Variants in ACOX2 observed in about 807,000 individuals in gnomAD.
ACOX2 encodes peroxisomal acyl-coenzyme A oxidase 2.
Under a neutral mutation model 77.5 loss-of-function variants are expected in ACOX2, and 59 were observed. That is an observed-to-expected ratio of 0.76 (90% CI 0.62 to 0.95). The LOEUF is 0.95. Among genes scored for constraint, ACOX2 ranks in the 40% least tolerant of loss-of-function variants. The pLI is 0.00. For synonymous variants in ACOX2, 317 were observed against 340.1 expected, an observed-to-expected ratio of 0.93 and a Z score of 0.75; for missense variants, 837 against 880.4, an observed-to-expected ratio of 0.95 and a Z score of 0.62.
In ACOX2 at chr3:58,534,245, C is replaced by T; in HGVS notation, c.324-100G>A. 1.3e-6 allele frequency: 2 copies of T among 1,575,822 alleles called. No homozygotes were observed. The highest frequency in any genetic ancestry group is 2.1e-4 in the Middle Eastern group (1 of 4,874). On this transcript the variant is annotated intron_variant, in intron 3 of 14. Transcript: ENST00000302819. The surrounding 1 kb of genome is among the most constrained non-coding windows in gnomAD (Gnocchi z 4.8). Reference sequence around the variant, plus strand: ...ACAGGAGATAAAGGGCACCTAGCATCCTGGTTTCCCAACAAGTCTTCCCTT... The same window carrying T: ...ACAGGAGATAAAGGGCACCTAGCATTCTGGTTTCCCAACAAGTCTTCCCTT...
At chr3:58,513,122 C>A (rs1203031717) in intron 13 of ACOX2, among the ~76,000 whole-genome samples, 1 of 152,152 alleles carries the variant, frequency 6.6e-6, no homozygotes, top group East Asian at 1.9e-4. Flanking sequence ...AGCTCCCCCT[C>A]CTCCCTACTG....
Position 58,534,589 on chromosome 3 carries a change from C to A in ACOX2, c.161-67G>T. The stretch of plus-strand genomic sequence containing the variant: ...GGTTTCTGGCACCTTGAAATCTTCT[C>A]ACCCACTTGCTTCATGGATCTGGAA... On this transcript the variant is annotated intron_variant, in intron 2 of 14. Coordinates refer to ENST00000302819, the MANE Select transcript of ACOX2 (RefSeq NM_003500.4). The surrounding 1 kb of genome is among the most constrained non-coding windows in gnomAD (Gnocchi z 4.8). 1 of 1,612,314 alleles carries A rather than the reference C, an allele frequency of 6.2e-7. No individual in the cohort carries two copies. Among genetic ancestry groups the A allele is most frequent in the Non-Finnish European group, 8.5e-7 (1 of 1,179,640 alleles).
rs2063371827 is a variant in ACOX2, at chr3:58,523,174, C to T, written c.1527-573G>A. 6.6e-6 allele frequency among the ~76,000 whole-genome samples: 1 copy of T among 152,234 alleles called. No homozygotes were observed. Among genetic ancestry groups the T allele is most frequent in the African/African-American group, 2.4e-5 (1 of 41,460 alleles). On this transcript the variant is annotated intron_variant, in intron 11 of 14. Transcript: ENST00000302819. The surrounding 1 kb of genome is among the most constrained non-coding windows in gnomAD (Gnocchi z 5.3). ...CTCTTATTTTCTATTCCCTGCCCAT[C>T]CATCCATGACCCTTAGAATTTGTGT... is the stretch of plus-strand genomic sequence containing the variant.
chr3:58,516,084 G>A (rs2063320344), intron 13 of ACOX2, among the ~76,000 whole-genome samples: 1 of 151,992 alleles, frequency 6.6e-6, no homozygotes, highest in South Asian at 2.1e-4. Context: ...TAGAATAATA[G>A]TGTGAAAGCA....
At position 58,522,787 on chromosome 3, in the gene ACOX2, A is replaced by G. The variant is rs1017472759; in HGVS notation, c.1527-186T>C. 1.3e-5 allele frequency among the ~76,000 whole-genome samples: 2 copies of G among 152,228 alleles called. No individual in the cohort carries two copies. The highest frequency in any genetic ancestry group is 1.3e-4 in the Admixed American group (2 of 15,278). ...AAGGGCAGGCACCCCCCAGTTTGCAATGGGGAAAACTGAGTCCCAGAGAGG... is the reference window on the plus strand; with the variant it reads ...AAGGGCAGGCACCCCCCAGTTTGCAGTGGGGAAAACTGAGTCCCAGAGAGG... On this transcript the variant is annotated intron_variant, in intron 11 of 14. Transcript: ENST00000302819. The surrounding 1 kb of genome is among the most constrained non-coding windows in gnomAD (Gnocchi z 4.3).
chr3:58,508,455 C>T (rs1230249492), intron 14 of ACOX2, among the ~76,000 whole-genome samples: 1 of 152,204 alleles, frequency 6.6e-6, no homozygotes, highest in Non-Finnish European at 1.5e-5. Flanking sequence ...AGAGACATCC[C>T]TCAAGCTTCC....
chr3:58,510,217 G>A (rs148215784), intron 13 of ACOX2, among the ~76,000 whole-genome samples: 9 of 152,078 alleles, frequency 5.9e-5, no homozygotes, highest in African/African-American at 1.9e-4. Flanking sequence ...CAATGTAATC[G>A]TTTCTTGATG....
chr3:58,529,789 A>G (rs2063423143), intron 8 of ACOX2, among the ~76,000 whole-genome samples: 1 of 152,106 alleles, frequency 6.6e-6, no homozygotes, highest in Non-Finnish European at 1.5e-5. Flanking sequence ...TCCACACCAC[A>G]CTGAAAGGCC....
chr3:58,510,164 T>C (rs1158039107), intron 13 of ACOX2, among the ~76,000 whole-genome samples: 7 of 152,152 alleles, frequency 4.6e-5, no homozygotes, highest in Non-Finnish European at 1.0e-4. Context: ...ATTATGATGA[T>C]TGTGTGTCAT....
rs780759244 is a variant in ACOX2, at chr3:58,505,333, G to C, written c.1984-47C>G. 4.1e-6 allele frequency: 6 copies of C among 1,460,986 alleles called. No homozygotes were observed. The African/African-American group carries it at 8.5e-5, about 21-fold the overall frequency. 90.5% of individuals were successfully genotyped at this position (1,460,986 alleles called of 1,614,324 possible). On this transcript the variant is annotated intron_variant, in intron 14 of 14. Transcript: ENST00000302819. This position sits in a 1 kb window ranked among gnomAD's most constrained non-coding sequence, Gnocchi z 4.4. The stretch of plus-strand genomic sequence containing the variant: ...TTATTAACACAGTACATTTCTGCCA[G>C]GATTAATGACTTTCACTTTCAAATT...
intron 14 of ACOX2, 51 bp downstream of exon 14, chr3:58,508,842 T>C: frequency 6.2e-7 from 1 of 1,605,108 alleles, no homozygotes; most frequent in Non-Finnish European, 8.5e-7. Context: ...GTGTATTCAC[T>C]GCCTGTTCTC....
At position 58,505,865 on chromosome 3, in the gene ACOX2, A is replaced by G. The variant is rs2063230655; in HGVS notation, c.1984-579T>C. ...GAGTGCAGTGGTGCGATTTTGGCTCACTGCAACTTCCGCCTCCTGGGTTCA... is the reference window on the plus strand; with the variant it reads ...GAGTGCAGTGGTGCGATTTTGGCTCGCTGCAACTTCCGCCTCCTGGGTTCA... On this transcript the variant is annotated intron_variant, in intron 14 of 14. Transcript: ENST00000302819. The surrounding 1 kb of genome is among the most constrained non-coding windows in gnomAD (Gnocchi z 4.4). Among the ~76,000 whole-genome samples, 1 of 151,976 alleles carries G rather than the reference A, an allele frequency of 6.6e-6. No individual in the cohort carries two copies. The highest frequency in any genetic ancestry group is 1.5e-5 in the Non-Finnish European group (1 of 68,020).
At position 58,517,356 on chromosome 3, in the gene ACOX2, G is replaced by C. The variant is rs538107717; in HGVS notation, c.1700C>G (p.Ala567Gly). Residue 567 changes from alanine (A) to glycine (G), a missense_variant, in exon 13 of 15, where the codon GCG becomes GGG. Transcript: ENST00000302819. ...EALEKLENEP[A>G]IQQVLKRLCD... is the part of the protein sequence containing the mutation. ...GAGGCGCTTGAGCACCTGCTGAATC[G>C]CTGGTTCATTTTCTAGTTTCTCCAG... 3 of 1,613,984 alleles carry C rather than the reference G, an allele frequency of 1.9e-6. No individual in the cohort carries two copies. Among genetic ancestry groups the C allele is most frequent in the Admixed American group, 1.7e-5 (1 of 59,992 alleles).
rs374309893 is a variant in ACOX2, at chr3:58,533,233, T to C, written c.583+212A>G. Among the ~76,000 whole-genome samples, 1 of 152,112 alleles carries C rather than the reference T, an allele frequency of 6.6e-6. No homozygotes were observed. Among genetic ancestry groups the C allele is most frequent in the Non-Finnish European group, 1.5e-5 (1 of 68,030 alleles). On this transcript the variant is annotated intron_variant, in intron 5 of 14. Transcript: ENST00000302819. The surrounding 1 kb of genome is among the most constrained non-coding windows in gnomAD (Gnocchi z 5.6). ...TACTTCAAAGTTCCTTTGGGGACTTTCCAGCCACTCACTAATGAAATGTTT... is the reference window on the plus strand; with the variant it reads ...TACTTCAAAGTTCCTTTGGGGACTTCCCAGCCACTCACTAATGAAATGTTT...
rs1179760057 is a variant in ACOX2 at position 58,525,501 on chromosome 3, G to C, written c.1347-896C>G. On this transcript the variant is annotated intron_variant, in intron 10 of 14. Coordinates refer to ENST00000302819, the MANE Select transcript of ACOX2 (RefSeq NM_003500.4). The surrounding 1 kb of genome is among the most constrained non-coding windows in gnomAD (Gnocchi z 5.0). ...CTTGGCCATTGCTTGGAGCCTCTGT[G>C]TGCAGGCTCTGCACCAAGCTTAGGC... is the stretch of plus-strand genomic sequence containing the variant. Among the ~76,000 whole-genome samples, 1 of 152,234 alleles carries C rather than the reference G, an allele frequency of 6.6e-6. No individual in the cohort carries two copies. The highest frequency in any genetic ancestry group is 1.5e-5 in the Non-Finnish European group (1 of 68,048).
At position 58,522,670 on chromosome 3, in the gene ACOX2, G is replaced by A; in HGVS notation, c.1527-69C>T. 2 of 1,378,276 alleles carry A rather than the reference G, an allele frequency of 1.5e-6. No individual in the cohort carries two copies. Among genetic ancestry groups the A allele is most frequent in the Middle Eastern group, 1.8e-4 (1 of 5,626 alleles). 85.4% of individuals were successfully genotyped at this position (1,378,276 alleles called of 1,614,324 possible). ...AAAAGACAACTGATGGGCTTCCTGT[G>A]GTCCCTCAGAAGTAGAAATAATGCC... On this transcript the variant is annotated intron_variant, in intron 11 of 14. Coordinates refer to ENST00000302819, the MANE Select transcript of ACOX2 (RefSeq NM_003500.4). The surrounding 1 kb of genome is among the most constrained non-coding windows in gnomAD (Gnocchi z 4.3).
chr3:58,524,574 T>C lies in ACOX2; in HGVS notation c.1378A>G (p.Met460Val). The change falls in exon 11 of 15, where the codon ATG becomes GTG. Residue 460 changes from methionine (M) to valine (V), a missense_variant. Physicochemically the swap from Met to Val is conservative, Grantham distance 21. Coordinates refer to ENST00000302819, the MANE Select transcript of ACOX2 (RefSeq NM_003500.4). This position sits in a 1 kb window ranked among gnomAD's most constrained non-coding sequence, Gnocchi z 5.5. The stretch of plus-strand genomic sequence containing the variant: ...CTCTGTGGCGTGGAGCCAGGGGACA[T>C]CTGAGTCTGCAGGTAGCTCTTCACC... The part of the protein sequence containing the change: ...FLVKSYLQTQ[M>V]SPGSTPQRSL... 1 of 1,614,058 alleles carries C rather than the reference T, an allele frequency of 6.2e-7. No homozygotes were observed. The highest frequency in any genetic ancestry group is 2.2e-5 in the East Asian group (1 of 44,864).
rs1332055133 is a variant in ACOX2, at chr3:58,521,194, G to A, written c.1632+1302C>T. Among the ~76,000 whole-genome samples the A allele has an allele frequency of 6.6e-6, 1 of 152,178 alleles. No homozygotes were observed. The highest frequency in any genetic ancestry group is 1.5e-5 in the Non-Finnish European group (1 of 68,032). On this transcript the variant is annotated intron_variant, in intron 12 of 14. Coordinates refer to ENST00000302819, the MANE Select transcript of ACOX2 (RefSeq NM_003500.4). The surrounding 1 kb of genome is among the most constrained non-coding windows in gnomAD (Gnocchi z 4.8). ...CTGCTGTAGGCTGAGCAGAACTGAG[G>A]GCTGCAGAGGTAATCCCATCACGTG...
chr3:58,516,573 C>T (rs2063323190), intron 13 of ACOX2, among the ~76,000 whole-genome samples: 1 of 152,214 alleles, frequency 6.6e-6, no homozygotes. Flanking sequence ...CACGTTGGTT[C>T]ACACCTGTAA....
Sources: allele counts gnomAD v4.1 joint callset (sites outside exome capture counted in the v4.1 genomes callset), GRCh38; gene constraint gnomAD v4.1.1; non-coding constraint Gnocchi (gnomAD v3.1); transcripts MANE v1.5; gene names NCBI Gene and HGNC (gene_info 2026-07-23, HGNC 2026-07-21).